Variants in VGLL4 observed in about 807,000 individuals in gnomAD.
VGLL4 encodes vestigial like family member 4.
In VGLL4, 7 loss-of-function variants were observed where a neutral mutation model predicts 21.0. The observed-to-expected ratio is 0.33, with a 90% CI of 0.19 to 0.63. VGLL4 has a LOEUF of 0.63. Among genes scored for constraint, VGLL4 ranks in the 20% least tolerant of loss-of-function variants. The pLI is 0.78. For missense variants in VGLL4, 394 were observed against 425.7 expected (o/e 0.93, Z 0.66); for synonymous variants, 222 against 173.2 (o/e 1.28, Z -2.21).
chr3:11,558,434 A>C lies in VGLL4; in HGVS notation c.*122T>G. ...CAAATCCCAACAACATGGTTTTTGC[A>C]AATAAACCATCCCTTCCCTTCCCCC... On this transcript the variant is annotated 3_prime_UTR_variant, in exon 5 of 5. Transcript: ENST00000430365. 1.4e-6 allele frequency: 2 copies of C among 1,401,636 alleles called. No homozygotes were observed. The highest frequency in any genetic ancestry group is 2.9e-5 in the South Asian group (2 of 68,504). 86.8% of individuals were successfully genotyped at this position (1,401,636 alleles called of 1,614,324 possible). A position where few individuals can be genotyped will look rare whatever the true frequency, so the allele number is the denominator to read the frequency against.
rs567946589 is a variant in VGLL4 at position 11,558,739 on chromosome 3, G to A, written c.708C>T (p.Ser236=). 566 of 1,614,078 alleles carry A rather than the reference G, an allele frequency of 3.5e-4. No individual in the cohort carries two copies. Among genetic ancestry groups the A allele is most frequent in the Admixed American group, 7.3e-4 (44 of 60,010 alleles). The change falls in exon 5 of 5, where the codon TCC becomes TCT. Residue 236 remains serine, a synonymous_variant. Coordinates refer to ENST00000430365, the MANE Select transcript of VGLL4 (RefSeq NM_001128219.3). ...CGTCCACGGAGCCCGTGATGGACAC[G>A]GAGTTGGGTGCCGGCTCGGGCTCCT... ...NYKEPEPAPN[S]VSITGSVDDH... is the part of the protein sequence containing the mutation.
chr3:11,702,885 T>C, intron 2 of VGLL4: 1 of 1,303,028 alleles, frequency 7.7e-7, no homozygotes, highest in Non-Finnish European at 1.0e-6. Flanking sequence ...GAAAACCATG[T>C]AGAGAAGCAT....
intron 1 of VGLL4, among the ~76,000 whole-genome samples, chr3:11,706,760 A>G (rs958121842): frequency 7.0e-5 from 5 of 71,642 alleles, no homozygotes; most frequent in Admixed American, 1.6e-4. Context: ...CAGTGCAGTC[A>G]TCCTGAGTCA....
At chr3:11,587,927 T>C (rs958027092) in intron 2 of VGLL4, among the ~76,000 whole-genome samples, 1 of 152,246 alleles carries the variant, frequency 6.6e-6, no homozygotes, top group Non-Finnish European at 1.5e-5. Context: ...GGGCTGGTGC[T>C]ACCGACTGAA....
intron 1 of VGLL4, among the ~76,000 whole-genome samples, chr3:11,629,926 T>C (rs2075440431): frequency 6.6e-6 from 1 of 152,158 alleles, no homozygotes; most frequent in Non-Finnish European, 1.5e-5. Flanking sequence ...AGTGGTTGGA[T>C]GAATCACTAC....
Position 11,677,118 on chromosome 3 carries a change from C to T in VGLL4, c.64+25853G>A, listed in dbSNP as rs2076302290. 2.6e-5 allele frequency among the ~76,000 whole-genome samples: 4 copies of T among 152,144 alleles called. 1 individual carries two copies. The South Asian group carries it at 8.3e-4, about 32-fold the overall frequency. ...TTGTTTTCAGTATTTTACAACACTA[C>T]AATAAATATCACTGTGCAAATCTCA... On this transcript the variant is annotated intron_variant, in intron 2 of 5. Transcript: ENST00000273038.
chr3:11,700,561 G>C lies in VGLL4; in HGVS notation c.64+2410C>G, dbSNP rs562157027. On this transcript the variant is annotated intron_variant, in intron 2 of 5. Transcript: ENST00000273038. The stretch of plus-strand genomic sequence containing the variant: ...TTCACCCCCAAAAACTCCTGAGCTA[G>C]ATCCAAGCTGGTGGTAGGCCTGACA... 5.3e-5 allele frequency among the ~76,000 whole-genome samples: 8 copies of C among 152,056 alleles called. No individual in the cohort carries two copies. In the South Asian group the frequency reaches 1.5e-3, roughly 28 times the overall value.
intron 1 of VGLL4, among the ~76,000 whole-genome samples, chr3:11,616,018 C>T (rs906272463): frequency 3.6e-4 from 55 of 152,218 alleles, no homozygotes; most frequent in African/African-American, 1.2e-3. Flanking sequence ...GCCACCCTGC[C>T]TCCCACCACG....
At chr3:11,660,006 T>G (rs1038301999) in intron 2 of VGLL4, among the ~76,000 whole-genome samples, 2 of 151,844 alleles carry the variant, frequency 1.3e-5, no homozygotes, top group African/African-American at 4.8e-5. Flanking sequence ...CTAAAAAATA[T>G]AAAGAATTAG....
At chr3:11,643,968 T>C, upstream of VGLL4, 13 of 992,114 alleles carry the variant, frequency 1.3e-5, no homozygotes, top group Non-Finnish European at 1.6e-5. Context: ...AGGCCGAGCA[T>C]GCTCACTGCG....
In VGLL4 at chr3:11,558,899, T is replaced by TC. The variant is rs2072693946; in HGVS notation, c.620-73dup. 86 of 1,547,136 alleles carry TC rather than the reference T, an allele frequency of 5.6e-5. 3 individuals are homozygous for TC. The South Asian group carries it at 9.2e-4, about 17-fold the overall frequency. On this transcript the variant is annotated intron_variant, in intron 4 of 4. Coordinates refer to ENST00000430365, the MANE Select transcript of VGLL4 (RefSeq NM_001128219.3). ...ACAGACAGGCACGGTTGCAGCACCC[T>TC]CCCTCAGGCAGCCCAGAGCCGGACT...
chr3:11,589,287 A>C (rs1323930063), intron 2 of VGLL4, among the ~76,000 whole-genome samples: 1 of 152,044 alleles, frequency 6.6e-6, no homozygotes, highest in Non-Finnish European at 1.5e-5. Flanking sequence ...GGAGGCGGGG[A>C]GAGGTAGGGA....
In VGLL4 at chr3:11,719,666, G is replaced by C. The variant is rs919732922; in HGVS notation, c.-14+728C>G. 1.2e-4 allele frequency: 19 copies of C among 152,384 alleles called. No homozygotes were observed. The highest frequency in any genetic ancestry group is 4.1e-4 in the African/African-American group (17 of 41,452). 9.4% of individuals were successfully genotyped at this position (152,384 alleles called of 1,614,324 possible). ...AATGAGGCACCGGCCAACCTGAGCC[G>C]GGCTCCGCCAGGCCAGCCAGGCCAC... On this transcript the variant is annotated intron_variant, in intron 1 of 5. Transcript: ENST00000273038. The surrounding 1 kb of genome is among the most constrained non-coding windows in gnomAD (Gnocchi z 4.0).
intron 2 of VGLL4, chr3:11,671,333 TCA>T (rs754597813): frequency 5.0e-6 from 7 of 1,386,890 alleles, no homozygotes; most frequent in Non-Finnish European, 7.1e-6. Context: ...ATGCGTATTC[TCA>T]GTCATCAGTT....
intron 2 of VGLL4, among the ~76,000 whole-genome samples, chr3:11,592,729 T>C (rs2074531607): frequency 6.6e-6 from 1 of 152,170 alleles, no homozygotes; most frequent in African/African-American, 2.4e-5. Flanking sequence ...TTTTGAATCC[T>C]GGCTCTGGTA....
intron 1 of VGLL4, among the ~76,000 whole-genome samples, chr3:11,711,277 C>T (rs1200109009): frequency 2.0e-5 from 3 of 151,788 alleles, no homozygotes; most frequent in East Asian, 1.9e-4. Flanking sequence ...TGGTGGTTCA[C>T]CCCTGTAATC....
chr3:11,618,072 C>T (rs2075197744), intron 1 of VGLL4, among the ~76,000 whole-genome samples: 1 of 152,010 alleles, frequency 6.6e-6, no homozygotes, highest in Non-Finnish European at 1.5e-5. Flanking sequence ...GAACATCAAA[C>T]AAATCAAATA....
At chr3:11,618,900 CCTCT>C (rs989674441) in intron 1 of VGLL4, among the ~76,000 whole-genome samples, 1 of 152,138 alleles carries the variant, frequency 6.6e-6, no homozygotes, top group Non-Finnish European at 1.5e-5. Context: ...TATCCTCCCA[CCTCT>C]CTCTCTTTTT....
chr3:11,642,421 C>A (rs1217178960), intron 1 of VGLL4, among the ~76,000 whole-genome samples: 2 of 152,110 alleles, frequency 1.3e-5, no homozygotes, highest in Non-Finnish European at 2.9e-5. Context: ...AATCACCCTC[C>A]CAAGTTTTTG....
Sources: allele counts gnomAD v4.1 joint callset (sites outside exome capture counted in the v4.1 genomes callset), GRCh38; gene constraint gnomAD v4.1.1; non-coding constraint Gnocchi (gnomAD v3.1); transcripts MANE v1.5; gene names NCBI Gene and HGNC (gene_info 2026-07-23, HGNC 2026-07-21).